Variants in GRIN2A observed in about 807,000 individuals in gnomAD.
The protein encoded by GRIN2A is glutamate receptor ionotropic, NMDA 2A.
A neutral mutation model predicts 113.4 loss-of-function variants in GRIN2A; 22 were observed. That is an observed-to-expected ratio of 0.19 (90% CI 0.14 to 0.28). GRIN2A has a LOEUF of 0.28. Among genes scored for constraint, GRIN2A ranks in the 10% least tolerant of loss-of-function variants. The pLI, the probability that GRIN2A is intolerant of heterozygous loss-of-function variation, is 1.00. For missense variants in GRIN2A, 1,502 were observed against 1,887.0 expected (o/e 0.80, Z 3.78); for synonymous variants, 827 against 738.4 (o/e 1.12, Z -1.94).
intron 2 of GRIN2A, among the ~76,000 whole-genome samples, chr16:10,013,708 C>T (rs1395774542): frequency 1.3e-5 from 2 of 152,212 alleles, no homozygotes; most frequent in Admixed American, 6.5e-5. Context: ...GAAACCATGA[C>T]CACTGAAGTG....
chr16:10,003,565 G>A (rs893594882), intron 2 of GRIN2A, among the ~76,000 whole-genome samples: 3 of 152,218 alleles, frequency 2.0e-5, no homozygotes, highest in Non-Finnish European at 4.4e-5. Context: ...AAGTAGAGCT[G>A]AGTTCTTGGA....
chr16:9,955,925 G>T (rs1420639573), intron 2 of GRIN2A, among the ~76,000 whole-genome samples: 1 of 152,266 alleles, frequency 6.6e-6, no homozygotes, highest in African/African-American at 2.4e-5. Flanking sequence ...AATCCCCAGG[G>T]GCTTGGGCAT....
chr16:10,089,136 G>A lies in GRIN2A; in HGVS notation c.414+90862C>T, dbSNP rs149763230. Among the ~76,000 whole-genome samples, 486 of 152,226 alleles carry A rather than the reference G, an allele frequency of 3.2e-3. 5 individuals are homozygous for A. Among genetic ancestry groups the A allele is most frequent in the Admixed American group, 4.6e-3 (70 of 15,290 alleles). On this transcript the variant is annotated intron_variant, in intron 2 of 12. Coordinates refer to ENST00000330684, the MANE Select transcript of GRIN2A (RefSeq NM_001134407.3). ...AATGCCTGGCACAAAGTAAGTGCTCGGTAAAATGTTAGTTGTACTTTGTCA... is the reference window on the plus strand; with the variant it reads ...AATGCCTGGCACAAAGTAAGTGCTCAGTAAAATGTTAGTTGTACTTTGTCA...
intron 4 of GRIN2A, among the ~76,000 whole-genome samples, chr16:9,888,103 G>A (rs186715165): frequency 6.6e-6 from 1 of 152,136 alleles, no homozygotes; most frequent in East Asian, 1.9e-4. Flanking sequence ...ACCATGCCCA[G>A]CTAATTTTTG....
At chr16:10,036,528 G>A (rs12598055) in intron 2 of GRIN2A, among the ~76,000 whole-genome samples, 24,595 of 132,582 alleles carry the variant, frequency 0.19, 2,551 homozygotes, top group Middle Eastern at 0.35. Context: ...GCGCAATCTC[G>A]GCTCATTGCA....
intron 3 of GRIN2A, among the ~76,000 whole-genome samples, chr16:9,923,322 T>C (rs1037330508): frequency 2.0e-5 from 3 of 152,210 alleles, no homozygotes; most frequent in Non-Finnish European, 4.4e-5. Flanking sequence ...ATTTCAACTT[T>C]CAACCTATTT....
At chr16:10,154,936 G>A (rs2049657899) in intron 2 of GRIN2A, among the ~76,000 whole-genome samples, 1 of 152,188 alleles carries the variant, frequency 6.6e-6, no homozygotes. Context: ...AAAACAGAAG[G>A]GGAGTCTTCT....
chr16:9,955,311 A>C (rs1310369429), intron 2 of GRIN2A, among the ~76,000 whole-genome samples: 1 of 152,092 alleles, frequency 6.6e-6, no homozygotes, highest in Non-Finnish European at 1.5e-5. Flanking sequence ...CACCACAGAG[A>C]CTTTGCTTGT....
intron 2 of GRIN2A, among the ~76,000 whole-genome samples, chr16:10,000,131 T>C (rs2046295044): frequency 1.3e-5 from 2 of 152,138 alleles, no homozygotes; most frequent in African/African-American, 4.8e-5. Context: ...CCAGTATTAT[T>C]ACACTGGGTT....
Position 9,833,924 on chromosome 16 carries a change from G to C in GRIN2A, c.1777+181C>G, listed in dbSNP as rs369520478. 6.6e-5 allele frequency among the ~76,000 whole-genome samples: 10 copies of C among 152,114 alleles called. No homozygotes were observed. In the East Asian group the frequency reaches 1.9e-3, roughly 29 times the overall value. ...TAGTAGAGATGGGTTTCACCATATT[G>C]GTCAGGCTGGTTCTGAACTCCTGAC... On this transcript the variant is annotated intron_variant, in intron 8 of 12. Transcript: ENST00000330684.
chr16:9,778,912 G>T (rs1901773729), intron 11 of GRIN2A, among the ~76,000 whole-genome samples: 2 of 152,196 alleles, frequency 1.3e-5, no homozygotes, highest in Admixed American at 1.3e-4. Context: ...CAGATGAAAG[G>T]TGCAAATTCA....
chr16:9,836,080 TTAGA>T (rs2042579774), intron 7 of GRIN2A, among the ~76,000 whole-genome samples: 1 of 152,110 alleles, frequency 6.6e-6, no homozygotes, highest in African/African-American at 2.4e-5. Flanking sequence ...AAAAAGGAAA[TTAGA>T]TAAATAAATG....
chr16:9,879,477 G>A (rs182970693), intron 4 of GRIN2A, among the ~76,000 whole-genome samples: 55 of 152,258 alleles, frequency 3.6e-4, no homozygotes, highest in Non-Finnish European at 5.9e-5. Flanking sequence ...TGCAGCCAAT[G>A]CCATGGCTTT....
chr16:9,783,987 G>T (rs984981294), intron 11 of GRIN2A, among the ~76,000 whole-genome samples: 7 of 152,262 alleles, frequency 4.6e-5, no homozygotes, highest in Middle Eastern at 3.4e-3. Flanking sequence ...AGGATAGGAG[G>T]AGGGAGAGGA....
intron 2 of GRIN2A, among the ~76,000 whole-genome samples, chr16:9,966,864 T>A (rs1005261498): frequency 2.6e-5 from 4 of 152,210 alleles, no homozygotes; most frequent in Admixed American, 2.6e-4. Flanking sequence ...TTTGGCCCTA[T>A]CTCAAGTGAT....
At chr16:9,961,453 T>C (rs2045441248) in intron 2 of GRIN2A, among the ~76,000 whole-genome samples, 1 of 152,204 alleles carries the variant, frequency 6.6e-6, no homozygotes. Context: ...AGGCATGCTA[T>C]ACAAGCCCAT....
rs187150569 is a variant in GRIN2A at position 10,095,519 on chromosome 16, T to C, written c.414+84479A>G. ...GAACACTAGTAAAGAGAAGGAATGATGGAGTTAGAAAACATCAATGGATGC... is the reference window on the plus strand; with the variant it reads ...GAACACTAGTAAAGAGAAGGAATGACGGAGTTAGAAAACATCAATGGATGC... On this transcript the variant is annotated intron_variant, in intron 2 of 12. Coordinates refer to ENST00000330684, the MANE Select transcript of GRIN2A (RefSeq NM_001134407.3). 5.6e-3 allele frequency among the ~76,000 whole-genome samples: 858 copies of C among 152,318 alleles called. 8 individuals carry two copies. The highest frequency in any genetic ancestry group is 0.01 in the Middle Eastern group (3 of 294).
At position 10,164,448 on chromosome 16, in the gene GRIN2A, G is replaced by A. The variant is rs147584466; in HGVS notation, c.414+15550C>T. On this transcript the variant is annotated intron_variant, in intron 2 of 12. Transcript: ENST00000330684. ...CAAACAAGGGCTTCCCATCCCTACCGTTCCCCACAAAGCCTGGGACACGAA... is the reference window on the plus strand; with the variant it reads ...CAAACAAGGGCTTCCCATCCCTACCATTCCCCACAAAGCCTGGGACACGAA... 2.4e-3 allele frequency among the ~76,000 whole-genome samples: 363 copies of A among 152,280 alleles called. 1 individual carries two copies. The highest frequency in any genetic ancestry group is 7.2e-3 in the African/African-American group (301 of 41,560).
At chr16:10,114,636 A>G (rs1156819517) in intron 2 of GRIN2A, among the ~76,000 whole-genome samples, 1 of 152,262 alleles carries the variant, frequency 6.6e-6, no homozygotes, top group African/African-American at 2.4e-5. Context: ...AACCAAAATA[A>G]GAGTGACTTC....
Sources: allele counts gnomAD v4.1 joint callset (sites outside exome capture counted in the v4.1 genomes callset), GRCh38; gene constraint gnomAD v4.1.1; transcripts MANE v1.5; gene names NCBI Gene and HGNC (gene_info 2026-07-23, HGNC 2026-07-21).